The following ZNF469 variants were observed in gnomAD, a reference collection of about 807,000 sequenced individuals.
ZNF469 encodes zinc finger protein 469.
In ZNF469, 1 loss-of-function variant was observed where a neutral mutation model predicts 1.0. The ratio of observed to expected loss-of-function variants is 1.00; its 90% CI spans 0.35 to 4.73. The LOEUF is 4.73. Among genes scored for constraint, ZNF469 ranks in the 30% most tolerant of loss-of-function variants. The pLI is 0.16. For missense variants in ZNF469, 6,100 were observed against 5,356.3 expected, an observed-to-expected ratio of 1.14 and a Z score of -4.33; for synonymous variants, 2,703 against 2,363.4, an observed-to-expected ratio of 1.14 and a Z score of -4.17.
chr16:88,173,598 T>C, the ZNF469 span, among the ~76,000 whole-genome samples: 1 of 152,198 alleles, frequency 6.6e-6, no homozygotes, highest in African/African-American at 2.4e-5. Context: ...AAAAGATAGA[T>C]AAACGCATTT....
chr16:88,349,690 G>A, the ZNF469 span, among the ~76,000 whole-genome samples: 3 of 48,232 alleles, frequency 6.2e-5, no homozygotes, highest in Non-Finnish European at 8.5e-5. Flanking sequence ...CACACACCAA[G>A]CACAATACAC....
the ZNF469 span, among the ~76,000 whole-genome samples, chr16:88,288,994 A>G: frequency 6.6e-6 from 1 of 152,168 alleles, no homozygotes; most frequent in Non-Finnish European, 1.5e-5. Flanking sequence ...GGTGGTGATG[A>G]TGGTGGTGGT....
the ZNF469 span, among the ~76,000 whole-genome samples, chr16:88,132,413 C>A: frequency 2.6e-5 from 4 of 152,230 alleles, 1 homozygote; most frequent in Admixed American, 1.3e-4. Flanking sequence ...CCACCCAGAG[C>A]GCCGCGTAGC....
In ZNF469 at chr16:88,424,107, T is replaced by C. The variant is rs1427411935; in HGVS notation, c.-191-700T>C. ...TGGAGCACAGGCTGTCGCCATGTGGTGACCATTGCTGTATTGTTTCTAAGG... is the reference window on the plus strand; with the variant it reads ...TGGAGCACAGGCTGTCGCCATGTGGCGACCATTGCTGTATTGTTTCTAAGG... On this transcript the variant is annotated intron_variant, in intron 1 of 2. Transcript: ENST00000565624. This position sits in a 1 kb window ranked among gnomAD's most constrained non-coding sequence, Gnocchi z 4.3. Among the ~76,000 whole-genome samples the C allele has an allele frequency of 6.6e-6, 1 of 152,236 alleles. No homozygotes were observed. The highest frequency in any genetic ancestry group is 2.1e-4 in the South Asian group (1 of 4,830).
At chr16:88,286,230 G>A in the ZNF469 span, among the ~76,000 whole-genome samples, 2 of 152,326 alleles carry the variant, frequency 1.3e-5, no homozygotes, top group African/African-American at 2.4e-5. Flanking sequence ...CCCCCACTCC[G>A]TTCACCACAG....
rs1230293074 is a variant in ZNF469 at position 88,435,175 on chromosome 16, C to T, written c.7705C>T (p.His2569Tyr). The T allele has an allele frequency of 1.3e-6, 2 of 1,550,246 alleles. No homozygotes were observed. Among genetic ancestry groups the T allele is most frequent in the Non-Finnish European group, 1.7e-6 (2 of 1,146,992 alleles). ...KEVLRAPGSP[H>Y]SQQLHPPSPT... ...GGTTCTCAGAGCACCGGGGTCCCCA[C>T]ACAGCCAGCAGCTGCACCCTCCAAG... The change falls in exon 3 of 3, where the codon CAC becomes TAC. Residue 2569 changes from histidine (H) to tyrosine (Y), a missense_variant. His to Tyr is a moderately conservative substitution (Grantham distance 83). Transcript: ENST00000565624.
At chr16:88,409,363 G>A (rs577052427) in intron 1 of ZNF469, among the ~76,000 whole-genome samples, 16 of 152,372 alleles carry the variant, frequency 1.1e-4, no homozygotes, top group African/African-American at 3.4e-4. Flanking sequence ...GACTGAGCAC[G>A]GCTAGACAAA....
At chr16:88,270,951 G>T in the ZNF469 span, among the ~76,000 whole-genome samples, 36 of 152,360 alleles carry the variant, frequency 2.4e-4, no homozygotes, top group African/African-American at 7.7e-4. Flanking sequence ...CCCTCTCGGG[G>T]CTGGCATCCA....
chr16:88,438,690 C>G lies in ZNF469; in HGVS notation c.11220C>G (p.Pro3740=), dbSNP rs943039704. 5.8e-6 allele frequency: 9 copies of G among 1,549,902 alleles called. No individual in the cohort carries two copies. The highest frequency in any genetic ancestry group is 7.8e-6 in the Non-Finnish European group (9 of 1,146,850). Reference sequence around the variant, plus strand: ...CCCAGGGCAGTGGAAGCCCTCGCCCCGGCACCAAGACAGGAGGTGGCAGCC... The same window carrying G: ...CCCAGGGCAGTGGAAGCCCTCGCCCGGGCACCAAGACAGGAGGTGGCAGCC... The part of the protein sequence containing the change: ...PSSQGSGSPR[P]GTKTGGGSQP... The change falls in exon 3 of 3, where the codon CCC becomes CCG. Residue 3740 remains proline (P), a synonymous_variant. Coordinates refer to ENST00000565624, the MANE Select transcript of ZNF469 (RefSeq NM_001367624.2).
chr16:88,225,505 G>A, the ZNF469 span, among the ~76,000 whole-genome samples: 2 of 152,308 alleles, frequency 1.3e-5, no homozygotes, highest in South Asian at 2.1e-4. Flanking sequence ...CAGGGAGGGT[G>A]GAGGGCTTTG....
chr16:88,310,971 C>T, the ZNF469 span, among the ~76,000 whole-genome samples: 1 of 152,176 alleles, frequency 6.6e-6, no homozygotes, highest in Non-Finnish European at 1.5e-5. Context: ...TCACCGTGCA[C>T]CCTCACAGCC....
At chr16:88,197,647 A>G in the ZNF469 span, among the ~76,000 whole-genome samples, 1 of 152,210 alleles carries the variant, frequency 6.6e-6, no homozygotes, top group African/African-American at 2.4e-5. Context: ...TGGGGCCCAG[A>G]GTCTGACAGC....
the ZNF469 span, among the ~76,000 whole-genome samples, chr16:88,110,976 C>A: frequency 6.6e-6 from 1 of 152,268 alleles, no homozygotes; most frequent in Admixed American, 6.5e-5. Context: ...GAAGCTCAGG[C>A]CCCCTTCACA....
chr16:88,140,671 C>T, the ZNF469 span, among the ~76,000 whole-genome samples: 1 of 152,192 alleles, frequency 6.6e-6, no homozygotes, highest in Non-Finnish European at 1.5e-5. Flanking sequence ...GTGGCTCAGG[C>T]CTGTAATCCC....
At chr16:88,180,329 A>C in the ZNF469 span, among the ~76,000 whole-genome samples, 1 of 152,212 alleles carries the variant, frequency 6.6e-6, no homozygotes, top group South Asian at 2.1e-4. Flanking sequence ...AATAACATAA[A>C]AACATAAGTG....
chr16:88,324,653 G>C, the ZNF469 span, among the ~76,000 whole-genome samples: 1 of 152,234 alleles, frequency 6.6e-6, no homozygotes, highest in African/African-American at 2.4e-5. Flanking sequence ...GTGCATAAGG[G>C]ACTGTAGCTG....
At chr16:88,387,987 C>T (rs950090124) in intron 1 of ZNF469, among the ~76,000 whole-genome samples, 9 of 152,260 alleles carry the variant, frequency 5.9e-5, no homozygotes, top group Admixed American at 3.9e-4. Flanking sequence ...CCAGCCACAC[C>T]GCCAGGACAG....
At chr16:88,362,180 G>A in the ZNF469 span, among the ~76,000 whole-genome samples, 11 of 152,148 alleles carry the variant, frequency 7.2e-5, no homozygotes, top group African/African-American at 2.7e-4. Flanking sequence ...AATTTCTATG[G>A]AAAAATTCTG....
chr16:88,221,272 C>A, the ZNF469 span, among the ~76,000 whole-genome samples: 1 of 152,230 alleles, frequency 6.6e-6, no homozygotes, highest in Non-Finnish European at 1.5e-5. Context: ...TCCTCATCAC[C>A]AGATCTATAA....
Sources: gnomAD v4.1 joint callset for allele counts (sites outside exome capture counted in the v4.1 genomes callset) on GRCh38, gnomAD v4.1.1 for gene constraint, Gnocchi (gnomAD v3.1) non-coding constraint, MANE v1.5 for transcripts, NCBI Gene and HGNC (gene_info 2026-07-23, HGNC 2026-07-21) for gene names.